Variants in PKD1L1 observed in about 807,000 individuals in gnomAD.
The protein encoded by PKD1L1 is polycystin-1-like protein 1.
In PKD1L1, 236 loss-of-function variants were observed where a neutral mutation model predicts 323.4. That is an observed-to-expected ratio of 0.73 (90% CI 0.66 to 0.81). PKD1L1 has a LOEUF of 0.81. Ranked by LOEUF, PKD1L1 falls within the 40% of genes least tolerant of loss-of-function variation. The pLI is 0.00. For missense variants in PKD1L1, 3,320 were observed against 3,508.0 expected, an observed-to-expected ratio of 0.95 and a Z score of 1.35; for synonymous variants, 1,344 against 1,335.0, an observed-to-expected ratio of 1.01 and a Z score of -0.15.
chr7:47,832,932 C>T lies in PKD1L1; in HGVS notation c.6337+158G>A, dbSNP rs142462819. The stretch of plus-strand genomic sequence containing the variant: ...ACCAAGACTTTGGAGGAAAGCTGGA[C>T]GCCTCAGTTTTGGGTGGGCCCATGC... On this transcript the variant is annotated intron_variant, in intron 41 of 56. Transcript: ENST00000289672. 1.9e-3 allele frequency among the ~76,000 whole-genome samples: 290 copies of T among 152,378 alleles called. 3 individuals carry two copies. The highest frequency in any genetic ancestry group is 8.9e-3 in the East Asian group (46 of 5,192).
In PKD1L1 at chr7:47,855,138, A is replaced by G. The variant is rs1447243689; in HGVS notation, c.4701+17T>C. On this transcript the variant is annotated intron_variant, in intron 29 of 56. Transcript: ENST00000289672. ...CAGCCTAAATGAAGTAGAGATACTGAGAAAGGCTCTCCTTACCAGGCCATC... is the reference window on the plus strand; with the variant it reads ...CAGCCTAAATGAAGTAGAGATACTGGGAAAGGCTCTCCTTACCAGGCCATC... The G allele has an allele frequency of 2.0e-5, 33 of 1,612,618 alleles. No homozygotes were observed. Among genetic ancestry groups the G allele is most frequent in the Middle Eastern group, 1.7e-4 (1 of 6,056 alleles).
At chr7:47,804,703 T>G (rs1681331979) in intron 52 of PKD1L1, among the ~76,000 whole-genome samples, 1 of 152,202 alleles carries the variant, frequency 6.6e-6, no homozygotes, top group Non-Finnish European at 1.5e-5. Context: ...CAGGCTGGTC[T>G]TGAACTTCTG....
intron 8 of PKD1L1, among the ~76,000 whole-genome samples, chr7:47,909,696 T>A (rs775807211): frequency 2.0e-4 from 30 of 152,246 alleles, no homozygotes; most frequent in Non-Finnish European, 3.7e-4. Context: ...TTAAACAATG[T>A]GCTATAGGCC....
intron 22 of PKD1L1, among the ~76,000 whole-genome samples, chr7:47,877,275 C>T (rs1328427643): frequency 6.6e-6 from 1 of 152,164 alleles, no homozygotes; most frequent in African/African-American, 2.4e-5. Flanking sequence ...AAATTCTGAA[C>T]CTTCTCAACC....
At chr7:47,959,508 G>A in the PKD1L1 span, among the ~76,000 whole-genome samples, 1 of 149,930 alleles carries the variant, frequency 6.7e-6, no homozygotes, top group South Asian at 2.1e-4. Context: ...CCTCTACCCG[G>A]CCGCGACCCC....
At chr7:47,928,914 T>C (rs546542180) in intron 7 of PKD1L1, among the ~76,000 whole-genome samples, 1 of 152,334 alleles carries the variant, frequency 6.6e-6, no homozygotes, top group South Asian at 2.1e-4. Context: ...GCCAGTACAT[T>C]ACCTTTGGGA....
chr7:47,833,300 T>C lies in PKD1L1; in HGVS notation c.6175-48A>G, dbSNP rs777936716. On this transcript the variant is annotated intron_variant, in intron 40 of 56. Coordinates refer to ENST00000289672, the MANE Select transcript of PKD1L1 (RefSeq NM_138295.5). ...AGGTTAATATCTCCACAGACAGGGCTTCACACGTGACGCTCAACAGTGGTG... is the reference window on the plus strand; with the variant it reads ...AGGTTAATATCTCCACAGACAGGGCCTCACACGTGACGCTCAACAGTGGTG... 23 of 1,582,544 alleles carry C rather than the reference T, an allele frequency of 1.5e-5. No individual in the cohort carries two copies. In the Middle Eastern group the frequency reaches 5.1e-4, roughly 35 times the overall value.
Position 47,774,657 on chromosome 7 carries a change from A to G in PKD1L1, c.*486T>C, listed in dbSNP as rs568337480. On this transcript the variant is annotated 3_prime_UTR_variant, in exon 57 of 57. Transcript: ENST00000289672. The stretch of plus-strand genomic sequence containing the variant: ...TTTATATTGAATTAGTAAATCAGGA[A>G]AGATGCGTTATTAATCTAGCAAGAT... 5.9e-5 allele frequency: 9 copies of G among 152,606 alleles called. No homozygotes were observed. The highest frequency in any genetic ancestry group is 2.2e-4 in the African/African-American group (9 of 41,588). 9.5% of individuals were successfully genotyped at this position (152,606 alleles called of 1,614,324 possible).
intron 48 of PKD1L1, 75 bp downstream of exon 48, chr7:47,813,856 G>A: frequency 1.6e-6 from 2 of 1,247,492 alleles, no homozygotes; most frequent in Non-Finnish European, 2.3e-6. Flanking sequence ...GATCTGCCAG[G>A]GTCCTGCCCC....
At chr7:47,937,466 A>G (rs1338013666) in intron 3 of PKD1L1, among the ~76,000 whole-genome samples, 1 of 152,130 alleles carries the variant, frequency 6.6e-6, no homozygotes, top group Non-Finnish European at 1.5e-5. Flanking sequence ...CCTCAGAGTT[A>G]CGGGAGGCCA....
intron 10 of PKD1L1, among the ~76,000 whole-genome samples, 187 bp downstream of exon 10, chr7:47,905,656 C>T (rs1787187921): frequency 6.6e-6 from 1 of 152,196 alleles, no homozygotes; most frequent in African/African-American, 2.4e-5. Context: ...CAATTGGGAG[C>T]CTTAATGCCT....
intron 56 of PKD1L1, among the ~76,000 whole-genome samples, chr7:47,780,297 AC>A: frequency 6.6e-6 from 1 of 152,288 alleles, no homozygotes; most frequent in Admixed American, 6.5e-5. Context: ...ACTCCTGGCA[AC>A]CACGAACTGC....
chr7:47,923,072 A>C (rs1379096940), intron 7 of PKD1L1, among the ~76,000 whole-genome samples: 2 of 152,308 alleles, frequency 1.3e-5, no homozygotes, highest in African/African-American at 4.8e-5. Context: ...TGTGTCCACT[A>C]AGGGTTAAAT....
At position 47,890,628 on chromosome 7, in the gene PKD1L1, G is replaced by C. The variant is rs1396418185; in HGVS notation, c.2589C>G (p.Phe863Leu). 6.2e-7 allele frequency: 1 copy of C among 1,614,148 alleles called. No individual in the cohort carries two copies. Among genetic ancestry groups the C allele is most frequent in the East Asian group, 2.2e-5 (1 of 44,872 alleles). The change falls in exon 16 of 57, where the codon TTC becomes TTG. Residue 863 changes from phenylalanine to leucine, a missense_variant. By Grantham distance (22) the Phe-to-Leu change is conservative. Coordinates refer to ENST00000289672, the MANE Select transcript of PKD1L1 (RefSeq NM_138295.5). ...CACTGGAGACCCTCAGCATCACAAG[G>C]AACTGATCATAGCTGTCACTGAGCC... ...AQWLSDSYDQ[F>L]LVMLRVSSGG...
intron 8 of PKD1L1, 71 bp downstream of exon 8, chr7:47,915,361 A>C: frequency 2.6e-6 from 2 of 764,220 alleles, no homozygotes; most frequent in South Asian, 2.8e-5. Flanking sequence ...GTGTAAACCA[A>C]TGAAAATTCC....
Position 47,866,737 on chromosome 7 carries a change from A to G in PKD1L1, c.3897-123T>C, listed in dbSNP as rs72601619. 49,015 of 709,988 alleles carry G rather than the reference A, an allele frequency of 0.069. 2,056 individuals are homozygous for G. Among genetic ancestry groups the G allele is most frequent in the Non-Finnish European group, 0.069 (29,582 of 430,432 alleles). 44.0% of individuals were successfully genotyped at this position (709,988 alleles called of 1,614,324 possible). ...CTCTTGGACAGGGCAGGGTAGAAAG[A>G]GAATGATACAAAGGAGAATTGGTCT... is the stretch of plus-strand genomic sequence containing the variant. On this transcript the variant is annotated intron_variant, in intron 24 of 56. Transcript: ENST00000289672.
intron 16 of PKD1L1, among the ~76,000 whole-genome samples, chr7:47,889,782 T>C (rs1285516135): frequency 6.6e-6 from 1 of 152,178 alleles, no homozygotes; most frequent in African/African-American, 2.4e-5. Flanking sequence ...TATAGGGCTA[T>C]GGGCAGAGGG....
At chr7:47,931,453 G>A in intron 5 of PKD1L1, 132 bp from the exon 6 acceptor site, 1 of 949,898 alleles carries the variant, frequency 1.1e-6, no homozygotes, top group Non-Finnish European at 1.6e-6. Context: ...TATTTGGGTG[G>A]GTGACCACAA....
rs1295126925 is a variant in PKD1L1 at position 47,809,437 on chromosome 7, T to G, written c.7686+36A>C. 3 of 1,420,596 alleles carry G rather than the reference T, an allele frequency of 2.1e-6. No homozygotes were observed. In the Admixed American group the frequency reaches 7.0e-5, roughly 33 times the overall value. The allele number at this position is 1,420,596 out of a possible 1,614,324, so 88.0% of individuals were successfully genotyped here. On this transcript the variant is annotated intron_variant, in intron 51 of 56. Coordinates refer to ENST00000289672, the MANE Select transcript of PKD1L1 (RefSeq NM_138295.5). ...TTTTCAAGATATAAACAGTTTATTG[T>G]TATTTTTCAAAAGAAAATGACACAA...
Sources: allele counts gnomAD v4.1 joint callset (sites outside exome capture counted in the v4.1 genomes callset), GRCh38; gene constraint gnomAD v4.1.1; transcripts MANE v1.5; gene names NCBI Gene and HGNC (gene_info 2026-07-23, HGNC 2026-07-21).